The following PCDHAC1 variants were observed in gnomAD, a reference collection of about 807,000 sequenced individuals.
PCDHAC1 encodes the protein protocadherin alpha-C1.
In PCDHAC1, 42 loss-of-function variants were observed where a neutral mutation model predicts 60.0. That is an observed-to-expected ratio of 0.70 (90% CI 0.55 to 0.90). The LOEUF (loss-of-function observed/expected upper bound fraction) is 0.90. Among genes scored for constraint, PCDHAC1 ranks in the 40% least tolerant of loss-of-function variants. PCDHAC1 has a pLI of 0.00. For synonymous variants in PCDHAC1, 468 were observed against 499.3 expected, an observed-to-expected ratio of 0.94 and a Z score of 0.84; for missense variants, 1,160 against 1,222.3, an observed-to-expected ratio of 0.95 and a Z score of 0.76.
intron 1 of PCDHAC1, among the ~76,000 whole-genome samples, chr5:140,936,528 T>C (rs2091012406): frequency 6.6e-6 from 1 of 152,244 alleles, no homozygotes; most frequent in Non-Finnish European, 1.5e-5. Flanking sequence ...TGAAATTGCT[T>C]TTGAATATAG....
chr5:140,976,927 G>A (rs1322531610), intron 1 of PCDHAC1, among the ~76,000 whole-genome samples: 2 of 152,184 alleles, frequency 1.3e-5, no homozygotes, highest in Admixed American at 1.3e-4. Context: ...CTAGTACTGT[G>A]TAGCTACTTA....
chr5:141,001,403 G>C (rs2098015477), intron 3 of PCDHAC1, among the ~76,000 whole-genome samples: 1 of 152,232 alleles, frequency 6.6e-6, no homozygotes, highest in Non-Finnish European at 1.5e-5. Flanking sequence ...AGAACAGGGA[G>C]TATATTTTTA....
At chr5:141,006,579 T>C (rs1208750821) in intron 3 of PCDHAC1, among the ~76,000 whole-genome samples, 1 of 151,702 alleles carries the variant, frequency 6.6e-6, no homozygotes, top group Non-Finnish European at 1.5e-5. Context: ...GTGTGGAGGG[T>C]TGGAGAGAAG....
intron 3 of PCDHAC1, among the ~76,000 whole-genome samples, chr5:141,006,649 G>A (rs1377970510): frequency 2.6e-5 from 4 of 152,176 alleles, no homozygotes; most frequent in Admixed American, 2.0e-4. Context: ...AGAGATGATG[G>A]TGTCCTGAAA....
intron 1 of PCDHAC1, among the ~76,000 whole-genome samples, chr5:140,945,682 G>GT (rs1325077083): frequency 6.6e-6 from 1 of 152,010 alleles, no homozygotes; most frequent in African/African-American, 2.4e-5. Context: ...AATCCACACA[G>GT]TTACTGTCCA....
At chr5:140,934,100 T>C (rs554832439) in intron 1 of PCDHAC1, among the ~76,000 whole-genome samples, 3 of 152,280 alleles carry the variant, frequency 2.0e-5, no homozygotes, top group Non-Finnish European at 4.4e-5. Context: ...GTTTGCTTTC[T>C]ATTTTATTAA....
At position 140,927,157 on chromosome 5, in the gene PCDHAC1, G is replaced by T. The variant is rs868936673; in HGVS notation, c.265G>T (p.Ala89Ser). 1 of 1,614,146 alleles carries T rather than the reference G, an allele frequency of 6.2e-7. No individual in the cohort carries two copies. The highest frequency in any genetic ancestry group is 1.7e-5 in the Admixed American group (1 of 60,020). The change falls in exon 1 of 4, where the codon GCC (alanine) becomes TCC (serine). Residue 89 changes from alanine to serine, a missense_variant. This residue lies in a region of PCDHAC1 where 1,113 missense variants were observed against 1,163.7 expected (regional missense o/e 0.96). Transcript: ENST00000253807. ...GGCGGACCGCGAACAGCTGTGCAGG[G>T]CCAAAGCTGCCTGCGTCTTGACCTA... is the stretch of plus-strand genomic sequence containing the variant. The part of the protein sequence containing the change: ...EPADREQLCR[A>S]KAACVLTYDL...
chr5:141,002,975 A>G (rs188944079), intron 3 of PCDHAC1, among the ~76,000 whole-genome samples: 1 of 152,338 alleles, frequency 6.6e-6, no homozygotes, highest in Admixed American at 6.5e-5. Context: ...TGAAAATAGT[A>G]TCCTTGGTCA....
At chr5:140,968,245 C>T (rs2096233117) in intron 1 of PCDHAC1, 2 of 1,614,038 alleles carry the variant, frequency 1.2e-6, no homozygotes, top group Non-Finnish European at 1.7e-6. Flanking sequence ...CTGTGCAAGC[C>T]ACAGACCCAG....
chr5:140,955,987 A>G (rs1185683030), intron 1 of PCDHAC1, among the ~76,000 whole-genome samples: 3 of 152,198 alleles, frequency 2.0e-5, no homozygotes, highest in African/African-American at 7.2e-5. Flanking sequence ...CAATTTTTGC[A>G]CATTGATTTT....
At chr5:140,962,295 A>G (rs1215334325) in intron 1 of PCDHAC1, among the ~76,000 whole-genome samples, 2 of 152,196 alleles carry the variant, frequency 1.3e-5, no homozygotes, top group African/African-American at 4.8e-5. Flanking sequence ...TTAATATTCT[A>G]TGATTCTTGT....
At chr5:140,954,781 T>A (rs1312700733) in intron 1 of PCDHAC1, among the ~76,000 whole-genome samples, 1 of 152,208 alleles carries the variant, frequency 6.6e-6, no homozygotes, top group Non-Finnish European at 1.5e-5. Flanking sequence ...TTTAATTAGA[T>A]CTCATTTGTC....
At chr5:140,988,226 G>C (rs1375369387) in intron 3 of PCDHAC1, among the ~76,000 whole-genome samples, 2 of 152,154 alleles carry the variant, frequency 1.3e-5, no homozygotes, top group Non-Finnish European at 2.9e-5. Context: ...TGAGATCAGG[G>C]ATCTATGTGA....
At chr5:141,000,238 G>T (rs111531743) in intron 3 of PCDHAC1, among the ~76,000 whole-genome samples, 3 of 151,558 alleles carry the variant, frequency 2.0e-5, no homozygotes, top group African/African-American at 7.3e-5. Flanking sequence ...GCTGAATGTG[G>T]TGGCTGACAC....
chr5:140,928,675 T>C lies in PCDHAC1; in HGVS notation c.1783T>C (p.Trp595Arg), dbSNP rs782241604. ...AEDADSGSNA[W>R]LSYHISRASD... ...GGATGCTGACAGTGGTTCTAATGCC[T>C]GGCTTTCCTACCACATCTCCCGGGC... The change falls in exon 1 of 4, where the codon TGG (tryptophan) becomes CGG (arginine). Residue 595 changes from tryptophan (W) to arginine (R), a missense_variant. Physicochemically the swap from Trp to Arg is moderately radical, Grantham distance 101 (BLOSUM62 -3). Transcript: ENST00000253807. 1 of 1,614,210 alleles carries C rather than the reference T, an allele frequency of 6.2e-7. No individual in the cohort carries two copies. Among genetic ancestry groups the C allele is most frequent in the South Asian group, 1.1e-5 (1 of 91,090 alleles).
In PCDHAC1 at chr5:140,987,075, G is replaced by A. The variant is rs564788093; in HGVS notation, c.2581+4512G>A. On this transcript the variant is annotated intron_variant, in intron 3 of 3. Coordinates refer to ENST00000253807, the MANE Select transcript of PCDHAC1 (RefSeq NM_018898.5). ...CTAAAGTTACAAAAATGAGCTGGGC[G>A]TGGTGGCAGGTGCCTGTAATCCCAG... is the stretch of plus-strand genomic sequence containing the variant. Among the ~76,000 whole-genome samples the A allele has an allele frequency of 3.7e-4, 57 of 152,124 alleles. No individual in the cohort carries two copies. In the East Asian group the frequency reaches 9.9e-3, roughly 26 times the overall value.
Position 140,927,714 on chromosome 5 carries a change from C to G in PCDHAC1, c.822C>G (p.Asn274Lys), listed in dbSNP as rs111315855. The change falls in exon 1 of 4, where the codon AAC (asparagine) becomes AAG (lysine). Residue 274 changes from asparagine (N) to lysine (K), a missense_variant. Around this residue, in one of 3 missense-constraint regions of PCDHAC1, gnomAD observed 1,113 missense variants for 1,163.7 expected, o/e 0.96. Transcript: ENST00000253807. ...GGGAAGTCCAGTACTCCCTAAGCAACAGCACGCAAGCAGAGCTGCGACACC... is the reference window on the plus strand; with the variant it reads ...GGGAAGTCCAGTACTCCCTAAGCAAGAGCACGCAAGCAGAGCTGCGACACC... Reference protein sequence around the residue: ...SNGEVQYSLSNSTQAELRHRF... With the variant: ...SNGEVQYSLSKSTQAELRHRF... 1 of 1,614,198 alleles carries G rather than the reference C, an allele frequency of 6.2e-7. No homozygotes were observed.
chr5:140,988,578 C>A (rs1490917539), intron 3 of PCDHAC1, among the ~76,000 whole-genome samples: 1 of 152,138 alleles, frequency 6.6e-6, no homozygotes, highest in African/African-American at 2.4e-5. Context: ...ACACTCTGTA[C>A]CTTCCACTTT....
At chr5:140,933,490 A>G (rs1554209400) in intron 1 of PCDHAC1, among the ~76,000 whole-genome samples, 1 of 152,104 alleles carries the variant, frequency 6.6e-6, no homozygotes, top group African/African-American at 2.4e-5. Flanking sequence ...GTTATTCTTT[A>G]GAATTGTTAA....
Sources: gnomAD v4.1 joint callset for allele counts (sites outside exome capture counted in the v4.1 genomes callset) on GRCh38, gnomAD v4.1.1 for gene constraint, gnomAD v4.1.1 regional missense constraint, MANE v1.5 for transcripts, NCBI Gene and HGNC (gene_info 2026-07-23, HGNC 2026-07-21) for gene names.